The following ANO2 variants were observed in gnomAD, a reference collection of about 807,000 sequenced individuals.
The protein encoded by ANO2 is anoctamin 2.
A neutral mutation model predicts 124.2 loss-of-function variants in ANO2; 101 were observed. The ratio of observed to expected loss-of-function variants is 0.81; its 90% CI spans 0.69 to 0.96. ANO2 has a LOEUF of 0.96. ANO2 is among the 40% of genes least tolerant of loss of function. The probability of loss-of-function intolerance (pLI) is 0.00; values close to 1 mark genes in which losing one functional copy is unlikely to be tolerated. For missense variants in ANO2, 1,293 were observed against 1,274.5 expected, an observed-to-expected ratio of 1.01 and a Z score of -0.22; for synonymous variants, 486 against 482.5, an observed-to-expected ratio of 1.01 and a Z score of -0.09.
At chr12:5,897,737 C>CAA (rs59719568) in intron 3 of ANO2, among the ~76,000 whole-genome samples, 119 of 132,488 alleles carry the variant, frequency 9.0e-4, no homozygotes, top group African/African-American at 2.9e-3. Flanking sequence ...ACATACAGAC[C>CAA]AAAAAAAAAA....
At chr12:5,757,789 A>G (rs2137102077) in intron 10 of ANO2, among the ~76,000 whole-genome samples, 1 of 152,356 alleles carries the variant, frequency 6.6e-6, no homozygotes, top group Admixed American at 6.5e-5. Context: ...GGGATATGTG[A>G]ATAGTTTTAC....
At chr12:5,775,459 T>TC (rs1449088983) in intron 10 of ANO2, among the ~76,000 whole-genome samples, 1 of 144,882 alleles carries the variant, frequency 6.9e-6, no homozygotes, top group African/African-American at 2.6e-5. Flanking sequence ...GCACCATCAA[T>TC]CCTTTTTTTT....
At chr12:5,872,585 T>G (rs1937778358) in intron 3 of ANO2, among the ~76,000 whole-genome samples, 1 of 152,118 alleles carries the variant, frequency 6.6e-6, no homozygotes, top group Admixed American at 6.5e-5. Flanking sequence ...CACAAACCAC[T>G]CAGTTCTACG....
At chr12:5,750,776 G>A (rs1433877456) in intron 11 of ANO2, 60 bp downstream of exon 11, 9 of 1,552,258 alleles carry the variant, frequency 5.8e-6, no homozygotes, top group Admixed American at 3.7e-5. Context: ...CTTGTACTGG[G>A]ATGAAACTCC....
At chr12:5,924,898 G>A (rs758258281) in intron 1 of ANO2, among the ~76,000 whole-genome samples, 74 of 152,140 alleles carry the variant, frequency 4.9e-4, no homozygotes, top group Non-Finnish European at 8.7e-4. Flanking sequence ...CAAAATAAAC[G>A]GAATTGATTG....
chr12:5,682,001 AC>A (rs1488709201), intron 14 of ANO2, among the ~76,000 whole-genome samples: 2 of 152,126 alleles, frequency 1.3e-5, no homozygotes, highest in African/African-American at 4.8e-5. Context: ...TTCCCTTTCA[AC>A]TTACTTTAAA....
At chr12:5,640,733 G>A (rs1041391755) in intron 15 of ANO2, among the ~76,000 whole-genome samples, 4 of 152,228 alleles carry the variant, frequency 2.6e-5, no homozygotes, top group African/African-American at 9.6e-5. Flanking sequence ...AACAGATGCT[G>A]GAGAGGATGC....
chr12:5,830,243 C>T (rs1353463763), intron 6 of ANO2, among the ~76,000 whole-genome samples, 192 bp downstream of exon 6: 2 of 152,120 alleles, frequency 1.3e-5, no homozygotes, highest in Non-Finnish European at 2.9e-5. Flanking sequence ...TCCTCTTAAA[C>T]CACGAGTGAG....
At position 5,922,640 on chromosome 12, in the gene ANO2, C is replaced by G. The variant is rs910754262; in HGVS notation, c.187G>C (p.Glu63Gln). The G allele has an allele frequency of 2.0e-6, 3 of 1,495,684 alleles. No homozygotes were observed. The African/African-American group carries it at 4.3e-5, about 21-fold the overall frequency. 92.7% of individuals were successfully genotyped at this position (1,495,684 alleles called of 1,614,324 possible). Residue 63 changes from glutamate to glutamine, a missense_variant, in exon 2 of 25, where the codon GAG (glutamate) becomes CAG (glutamine). Transcript: ENST00000682330. ...CTCACAGAGCTGCTGCGGGTGCTCTCTCCACCGCAGGGCTGGCCAGGATCT... is the reference window on the plus strand; with the variant it reads ...CTCACAGAGCTGCTGCGGGTGCTCTGTCCACCGCAGGGCTGGCCAGGATCT... ...NRDPGQPCGG[E>Q]STRSSSVINN... is the part of the protein sequence containing the mutation.
Position 5,818,310 on chromosome 12 carries a change from T to G in ANO2, c.892+9459A>C, listed in dbSNP as rs1236584323. 3.3e-5 allele frequency among the ~76,000 whole-genome samples: 5 copies of G among 151,730 alleles called. No individual in the cohort carries two copies. In the East Asian group the frequency reaches 9.7e-4, roughly 29 times the overall value. Reference sequence around the variant, plus strand: ...TGAAAAGACTATACTGGCCTACATCTTTCTCCTGCGCTGGACCCTTCCTGC... The same window carrying G: ...TGAAAAGACTATACTGGCCTACATCGTTCTCCTGCGCTGGACCCTTCCTGC... On this transcript the variant is annotated intron_variant, in intron 7 of 24. Transcript: ENST00000682330.
At chr12:5,929,104 TAC>T (rs1942226762) in intron 1 of ANO2, among the ~76,000 whole-genome samples, 2 of 72,832 alleles carry the variant, frequency 2.7e-5, no homozygotes, top group African/African-American at 5.8e-5. Context: ...CTTCCTTCCT[TAC>T]TAGTCTGTCT....
chr12:5,721,722 G>A (rs929863989), intron 14 of ANO2, among the ~76,000 whole-genome samples: 1 of 152,060 alleles, frequency 6.6e-6, no homozygotes, highest in African/African-American at 2.4e-5. Context: ...TGCCCACGCT[G>A]GTCTCAAACT....
chr12:5,578,617 A>G, intron 20 of ANO2, 99 bp from the exon 21 acceptor site: 1 of 1,266,400 alleles, frequency 7.9e-7, no homozygotes, highest in Non-Finnish European at 1.1e-6. Context: ...TGCCTTGGGT[A>G]TCTTTCCCAT....
Position 5,562,677 on chromosome 12 carries a change from A to G in ANO2, c.*622T>C, listed in dbSNP as rs1428419406. ...ATCTTTATAAAGAATGTGTCCATTT[A>G]TTTTATTATTTTAAATCTGAACTTT... is the stretch of plus-strand genomic sequence containing the variant. On this transcript the variant is annotated 3_prime_UTR_variant, in exon 25 of 25. Coordinates refer to ENST00000682330, the MANE Select transcript of ANO2 (RefSeq NM_001364791.2). The G allele has an allele frequency of 2.0e-5, 3 of 152,388 alleles. No individual in the cohort carries two copies. The highest frequency in any genetic ancestry group is 2.9e-5 in the Non-Finnish European group (2 of 68,198). The allele number at this position is 152,388 out of a possible 1,614,324, so 9.4% of individuals were successfully genotyped here. A position where few individuals can be genotyped will look rare whatever the true frequency, so the allele number is the denominator to read the frequency against.
At chr12:5,850,846 T>C (rs777295873) in intron 4 of ANO2, among the ~76,000 whole-genome samples, 12 of 152,164 alleles carry the variant, frequency 7.9e-5, no homozygotes, top group African/African-American at 2.2e-4. Context: ...GAATTGAGAA[T>C]ACACATTAAA....
chr12:5,676,844 G>A (rs2098263), intron 14 of ANO2, among the ~76,000 whole-genome samples: 91,743 of 151,888 alleles, frequency 0.6, 31,062 homozygotes, highest in East Asian at 0.81. Context: ...ACTTGAGGTC[G>A]GGATTTCAAG....
At chr12:5,928,254 G>A (rs1942179767) in intron 1 of ANO2, among the ~76,000 whole-genome samples, 1 of 152,224 alleles carries the variant, frequency 6.6e-6, no homozygotes, top group African/African-American at 2.4e-5. Flanking sequence ...CCTGGTGGCT[G>A]AAGTATGAAG....
chr12:5,752,314 G>C (rs982899152), intron 10 of ANO2, among the ~76,000 whole-genome samples: 1 of 152,102 alleles, frequency 6.6e-6, no homozygotes, highest in Non-Finnish European at 1.5e-5. Context: ...CACAGTGACC[G>C]CATTGCCACC....
chr12:5,726,857 T>C (rs1233023898), intron 14 of ANO2, among the ~76,000 whole-genome samples: 1 of 152,192 alleles, frequency 6.6e-6, no homozygotes, highest in Non-Finnish European at 1.5e-5. Flanking sequence ...CAGCAAAGAC[T>C]GACTCTCAGA....
Sources: gnomAD v4.1 joint callset for allele counts (sites outside exome capture counted in the v4.1 genomes callset) on GRCh38, gnomAD v4.1.1 for gene constraint, MANE v1.5 for transcripts, NCBI Gene and HGNC (gene_info 2026-07-23, HGNC 2026-07-21) for gene names.